PATJ: variants seen among roughly 807,000 people sequenced by gnomAD.
The protein encoded by PATJ is inaD-like protein.
Under a neutral mutation model 224.9 loss-of-function variants are expected in PATJ, and 190 were observed. That is an observed-to-expected ratio of 0.84 (90% CI 0.75 to 0.95). The LOEUF (loss-of-function observed/expected upper bound fraction) is 0.95, where lower values mean the gene tolerates loss of function less well. Ranked by LOEUF, PATJ falls within the 40% of genes least tolerant of loss-of-function variation. The pLI is 0.00. For synonymous variants in PATJ, 769 were observed against 820.3 expected (o/e 0.94, Z 1.07); for missense variants, 2,121 against 2,270.3 (o/e 0.93, Z 1.34).
At chr1:61,988,567 T>C (rs1384609009) in intron 27 of PATJ, among the ~76,000 whole-genome samples, 1 of 152,236 alleles carries the variant, frequency 6.6e-6, no homozygotes, top group African/African-American at 2.4e-5. Context: ...AAGTCCTTCA[T>C]TTTACTGTAT....
intron 27 of PATJ, among the ~76,000 whole-genome samples, chr1:61,973,735 C>T (rs528004926): frequency 6.6e-6 from 1 of 152,028 alleles, no homozygotes; most frequent in Admixed American, 6.5e-5. Context: ...AGGACTATGT[C>T]CTCCTGATAA....
chr1:62,080,212 T>C (rs1284952789), intron 32 of PATJ, among the ~76,000 whole-genome samples: 1 of 152,254 alleles, frequency 6.6e-6, no homozygotes, highest in African/African-American at 2.4e-5. Context: ...TGAAGAATGT[T>C]GATTTTCAAT....
chr1:62,039,794 A>G (rs140530454), intron 30 of PATJ, among the ~76,000 whole-genome samples: 1 of 152,304 alleles, frequency 6.6e-6, no homozygotes, highest in African/African-American at 2.4e-5. Context: ...GGAAATGAGC[A>G]ACGGGGAGGT....
chr1:61,808,996 G>A (rs542636350), intron 14 of PATJ, among the ~76,000 whole-genome samples: 11 of 152,238 alleles, frequency 7.2e-5, no homozygotes, highest in Admixed American at 2.6e-4. Context: ...TCAAGACCCG[G>A]GAATACAGGC....
chr1:62,088,376 C>T (rs1318036061), intron 33 of PATJ, among the ~76,000 whole-genome samples: 1 of 152,144 alleles, frequency 6.6e-6, no homozygotes, highest in Non-Finnish European at 1.5e-5. Context: ...TTGCCCTGCT[C>T]CCCTGAATTT....
rs562153270 is a variant in PATJ, at chr1:62,132,364, G to A, written c.5271+3419G>A. 3.1e-3 allele frequency among the ~76,000 whole-genome samples: 477 copies of A among 152,224 alleles called. 2 individuals are homozygous for A. Among genetic ancestry groups the A allele is most frequent in the African/African-American group, 0.011 (450 of 41,546 alleles). On this transcript the variant is annotated intron_variant, in intron 41 of 43. Transcript: ENST00000642238. ...AATACAAAAAAGTAGCCGGATTGGC[G>A]GTGCACCTCTGTAATCCTGGCTGCT... is the stretch of plus-strand genomic sequence containing the variant.
chr1:62,128,162 G>A, intron 40 of PATJ, 68 bp downstream of exon 40: 1 of 1,588,310 alleles, frequency 6.3e-7, no homozygotes, highest in Non-Finnish European at 8.6e-7. Flanking sequence ...TGCAGCCCTG[G>A]GCACCTTGTT....
At chr1:61,863,277 C>G (rs536091877) in intron 19 of PATJ, among the ~76,000 whole-genome samples, 5 of 152,058 alleles carry the variant, frequency 3.3e-5, no homozygotes, top group Admixed American at 3.3e-4. Context: ...CTCAAGAGAT[C>G]CTCCTGCCTT....
At chr1:62,054,616 G>A (rs938017497) in intron 31 of PATJ, among the ~76,000 whole-genome samples, 6 of 152,212 alleles carry the variant, frequency 3.9e-5, no homozygotes, top group Admixed American at 3.3e-4. Context: ...ACTGGAGGCA[G>A]GGAAGTGTCT....
intron 15 of PATJ, among the ~76,000 whole-genome samples, chr1:61,824,423 T>G (rs1657859422): frequency 2.6e-5 from 1 of 38,374 alleles, no homozygotes; most frequent in Non-Finnish European, 6.1e-5. Context: ...GTTTTAACCT[T>G]TTTTCCTTTT....
At chr1:61,861,688 C>A in intron 19 of PATJ, 21 bp downstream of exon 19, 2 of 1,065,980 alleles carry the variant, frequency 1.9e-6, no homozygotes, top group South Asian at 1.9e-5. Context: ...AATTTATTTC[C>A]CATTTGAATG....
At chr1:61,745,694 C>T (rs577554048) in intron 1 of PATJ, among the ~76,000 whole-genome samples, 28 of 152,070 alleles carry the variant, frequency 1.8e-4, no homozygotes, top group Admixed American at 1.2e-3. Flanking sequence ...ACCTCTGCCT[C>T]CCAGGGTCAA....
chr1:62,041,906 G>T (rs1651557883), intron 30 of PATJ, among the ~76,000 whole-genome samples: 1 of 152,086 alleles, frequency 6.6e-6, no homozygotes, highest in Non-Finnish European at 1.5e-5. Flanking sequence ...AGAATGGCGT[G>T]AACCCGGGAG....
At chr1:61,753,870 TAATA>T (rs202169205) in intron 1 of PATJ, among the ~76,000 whole-genome samples, 15,922 of 150,294 alleles carry the variant, frequency 0.11, 1,009 homozygotes, top group Non-Finnish European at 0.14. Flanking sequence ...AAAAAATATA[TAATA>T]AATAAAATAA....
intron 22 of PATJ, among the ~76,000 whole-genome samples, chr1:61,896,012 A>G (rs1670314754): frequency 6.6e-6 from 1 of 152,148 alleles, no homozygotes; most frequent in Non-Finnish European, 1.5e-5. Context: ...AGATTTAATG[A>G]TTATGGCCAG....
chr1:61,770,843 G>A (rs1001012445), intron 5 of PATJ, among the ~76,000 whole-genome samples: 4 of 151,374 alleles, frequency 2.6e-5, no homozygotes, highest in Non-Finnish European at 5.9e-5. Context: ...CTGGGAGGCT[G>A]AGGCTGCAGT....
chr1:61,808,544 A>G lies in PATJ; in HGVS notation c.1683+14A>G, dbSNP rs765496847. ...AAATATTCAAAGGTAAGCATTTTTT[A>G]TAACAAAGTTAACAGTTTTATTTTT... On this transcript the variant is annotated intron_variant, in intron 14 of 43. Coordinates refer to ENST00000642238, the MANE Select transcript of PATJ (RefSeq NM_001350145.3). 4 of 1,559,902 alleles carry G rather than the reference A, an allele frequency of 2.6e-6. No homozygotes were observed. Among genetic ancestry groups the G allele is most frequent in the South Asian group, 2.2e-5 (2 of 89,472 alleles).
chr1:61,939,122 CAAAAAAAAAAAA>C (rs560139042), intron 27 of PATJ, among the ~76,000 whole-genome samples: 3 of 57,486 alleles, frequency 5.2e-5, no homozygotes, highest in Admixed American at 3.0e-4. Context: ...GACTCCATCT[CAAAAAAAAAAAA>C]AAAAAAAAAA....
At chr1:61,956,001 C>T (rs1680395991) in intron 27 of PATJ, among the ~76,000 whole-genome samples, 2 of 152,136 alleles carry the variant, frequency 1.3e-5, no homozygotes, top group Non-Finnish European at 2.9e-5. Flanking sequence ...CCCCAGCAAA[C>T]CACATTTTAA....
Sources: allele counts gnomAD v4.1 joint callset (sites outside exome capture counted in the v4.1 genomes callset), GRCh38; gene constraint gnomAD v4.1.1; transcripts MANE v1.5; gene names NCBI Gene and HGNC (gene_info 2026-07-23, HGNC 2026-07-21).